ENOX2: variants seen among roughly 807,000 people sequenced by gnomAD.
ENOX2 encodes the protein ecto-NOX disulfide-thiol exchanger 2.
A neutral mutation model predicts 45.0 loss-of-function variants in ENOX2; 36 were observed. The observed-to-expected ratio is 0.80, with a 90% CI of 0.61 to 1.06. The LOEUF (loss-of-function observed/expected upper bound fraction) is 1.06. Among genes scored for constraint, ENOX2 ranks in the 50% least tolerant of loss-of-function variants. The probability of loss-of-function intolerance (pLI) is 0.00; values close to 1 mark genes in which losing one functional copy is unlikely to be tolerated. For missense variants in ENOX2, 423 were observed against 462.5 expected (o/e 0.91, Z 0.78); for synonymous variants, 174 against 152.3 (o/e 1.14, Z -1.05).
rs375794534 is a variant in ENOX2 at position 130,674,814 on chromosome X, C to T, written c.461-4616G>A. 1.0e-3 allele frequency among the ~76,000 whole-genome samples: 97 copies of T among 94,427 alleles called. 1 individual carries two copies. The highest frequency in any genetic ancestry group is 3.3e-3 in the African/African-American group (83 of 25,399). The allele number at this position is 94,427 out of a possible 115,157, so 82.0% of individuals were successfully genotyped here. A position where few individuals can be genotyped will look rare whatever the true frequency, so the allele number is the denominator to read the frequency against. ...CCCCAGAGTGTGATGTTCCCCTTCC[C>T]GTGTCCATGTGTTCTCATTGTTCAA... On this transcript the variant is annotated intron_variant, in intron 6 of 14. Transcript: ENST00000394363.
At chrX:130,706,424 A>C (rs753679889) in intron 3 of ENOX2, among the ~76,000 whole-genome samples, 81 of 111,271 alleles carry the variant, frequency 7.3e-4, no homozygotes, top group Non-Finnish European at 7.2e-4. Context: ...TAAGTCTTTA[A>C]GGAGGGATAG....
chrX:130,830,050 A>G (rs1253536122), intron 2 of ENOX2, among the ~76,000 whole-genome samples: 1 of 111,753 alleles, frequency 8.9e-6, no homozygotes, highest in Non-Finnish European at 1.9e-5. Context: ...GCTTGTAATT[A>G]GCTGAGCTTG....
chrX:130,763,484 G>A (rs1218117475), intron 3 of ENOX2, among the ~76,000 whole-genome samples: 1 of 111,020 alleles, frequency 9.0e-6, no homozygotes, highest in African/African-American at 3.3e-5. Flanking sequence ...TTAACTGTCA[G>A]AGACAAACAG....
chrX:130,872,991 G>A (rs1052211553), intron 2 of ENOX2, among the ~76,000 whole-genome samples: 1 of 111,863 alleles, frequency 8.9e-6, no homozygotes, highest in African/African-American at 3.2e-5. Flanking sequence ...CATGGGCAAA[G>A]ACTTCATGAA....
intron 12 of ENOX2, among the ~76,000 whole-genome samples, chrX:130,633,483 T>G (rs2035841723): frequency 8.9e-6 from 1 of 112,605 alleles, no homozygotes; most frequent in Non-Finnish European, 1.9e-5. Context: ...TGACTCACTG[T>G]TTTTTGGATT....
chrX:130,717,383 T>G (rs1262819035), intron 3 of ENOX2, among the ~76,000 whole-genome samples: 2 of 112,402 alleles, frequency 1.8e-5, no homozygotes, highest in African/African-American at 6.5e-5. Context: ...ACCATGCCAC[T>G]GTTCTTATCT....
At chrX:130,625,547 G>T (rs1603286658) in intron 14 of ENOX2, 102 bp from the exon 15 acceptor site, 1 of 885,130 alleles carries the variant, frequency 1.1e-6, no homozygotes, top group Non-Finnish European at 1.5e-6. Flanking sequence ...CTGTGTGTGT[G>T]CTGCAGGGGC....
At chrX:130,865,542 T>G (rs779913953) in intron 2 of ENOX2, among the ~76,000 whole-genome samples, 1 of 112,236 alleles carries the variant, frequency 8.9e-6, no homozygotes, top group South Asian at 3.7e-4. Context: ...TATTTAAAAG[T>G]TTTGCACAAA....
At chrX:130,699,601 AGGC>A (rs1470119585) in intron 4 of ENOX2, among the ~76,000 whole-genome samples, 3 of 111,330 alleles carry the variant, frequency 2.7e-5, no homozygotes, top group African/African-American at 6.5e-5. Context: ...AGAAATCTTG[AGGC>A]ATGGGGTGCT....
At chrX:130,699,337 C>T (rs758106100) in intron 4 of ENOX2, among the ~76,000 whole-genome samples, 13 of 112,093 alleles carry the variant, frequency 1.2e-4, no homozygotes, top group Non-Finnish European at 2.4e-4. Context: ...GTCCAAGAGA[C>T]TCAGCATCCA....
intron 3 of ENOX2, among the ~76,000 whole-genome samples, chrX:130,734,184 C>T (rs951186145): frequency 9.0e-5 from 10 of 111,411 alleles, no homozygotes; most frequent in Admixed American, 3.8e-4. Context: ...CTCCTCTCAC[C>T]GGGATATTAG....
chrX:130,869,107 ATC>A (rs893048066), intron 2 of ENOX2, among the ~76,000 whole-genome samples: 1 of 111,234 alleles, frequency 9.0e-6, no homozygotes, highest in Non-Finnish European at 1.9e-5. Context: ...TAACTAAAAT[ATC>A]TGTTTAATTT....
intron 2 of ENOX2, among the ~76,000 whole-genome samples, chrX:130,881,479 T>C (rs2078807913): frequency 8.9e-6 from 1 of 112,298 alleles, no homozygotes. Flanking sequence ...CTCAGAGTGA[T>C]TCAGTAGGTC....
chrX:130,823,804 C>T (rs966136074), intron 2 of ENOX2, among the ~76,000 whole-genome samples: 5 of 110,639 alleles, frequency 4.5e-5, no homozygotes, highest in African/African-American at 1.3e-4. Flanking sequence ...TTATGTCTTC[C>T]GAGAGCATCT....
chrX:130,672,374 C>T (rs1028676557), intron 6 of ENOX2, among the ~76,000 whole-genome samples: 6 of 112,249 alleles, frequency 5.3e-5, no homozygotes, highest in African/African-American at 1.9e-4. Flanking sequence ...CCTGCTGGCC[C>T]GGTCCTGGTG....
intron 9 of ENOX2, among the ~76,000 whole-genome samples, chrX:130,659,091 C>T (rs1370583114): frequency 5.4e-5 from 6 of 112,027 alleles, no homozygotes; most frequent in African/African-American, 1.9e-4. Context: ...ACTGAGAATT[C>T]CTTGCTTGGA....
chrX:130,722,575 G>A (rs1237496707), intron 3 of ENOX2, among the ~76,000 whole-genome samples: 1 of 112,203 alleles, frequency 8.9e-6, no homozygotes, highest in Non-Finnish European at 1.9e-5. Flanking sequence ...CAGAAAGGAA[G>A]GTTTTGGTTA....
intron 2 of ENOX2, among the ~76,000 whole-genome samples, chrX:130,893,511 A>C (rs1313054820): frequency 8.9e-6 from 1 of 112,437 alleles, no homozygotes. Flanking sequence ...GTTCTGTAAG[A>C]CAGAAGTACA....
At chrX:130,742,252 T>G (rs2039000780) in intron 3 of ENOX2, among the ~76,000 whole-genome samples, 1 of 92,521 alleles carries the variant, frequency 1.1e-5, no homozygotes, top group African/African-American at 4.0e-5. Context: ...TTCCTTTTTT[T>G]TTTTTTTTTT....
Sources: allele counts gnomAD v4.1 joint callset (sites outside exome capture counted in the v4.1 genomes callset), GRCh38; gene constraint gnomAD v4.1.1; transcripts MANE v1.5; gene names NCBI Gene and HGNC (gene_info 2026-07-23, HGNC 2026-07-21).